Variants in MYO5B observed in about 807,000 individuals in gnomAD.
MYO5B encodes the protein unconventional myosin-Vb.
A neutral mutation model predicts 229.3 loss-of-function variants in MYO5B; 143 were observed. That is an observed-to-expected ratio of 0.62 (90% CI 0.54 to 0.72). MYO5B has a LOEUF of 0.72. MYO5B is among the 30% of genes least tolerant of loss of function. The pLI is 0.00. For synonymous variants in MYO5B, 918 were observed against 885.2 expected, an observed-to-expected ratio of 1.04 and a Z score of -0.66; for missense variants, 2,321 against 2,331.0, an observed-to-expected ratio of 1.00 and a Z score of 0.09.
chr18:50,123,770 G>A (rs1380641758), intron 1 of MYO5B, among the ~76,000 whole-genome samples: 1 of 152,120 alleles, frequency 6.6e-6, no homozygotes, highest in Non-Finnish European at 1.5e-5. Flanking sequence ...AAGATATAGA[G>A]GTGTCACTCT....
At chr18:49,914,699 G>GA (rs993124770) in intron 17 of MYO5B, among the ~76,000 whole-genome samples, 2 of 148,278 alleles carry the variant, frequency 1.3e-5, no homozygotes, top group Non-Finnish European at 3.0e-5. Context: ...AGAATCACTT[G>GA]AAACCAGGAG....
chr18:49,989,208 T>C (rs930604285), intron 7 of MYO5B, among the ~76,000 whole-genome samples: 35 of 152,254 alleles, frequency 2.3e-4, no homozygotes, highest in African/African-American at 8.4e-4. Flanking sequence ...GTACAAGCAT[T>C]GAAGATACAG....
intron 1 of MYO5B, among the ~76,000 whole-genome samples, chr18:50,192,428 G>T (rs1438385200): frequency 6.6e-6 from 1 of 152,176 alleles, no homozygotes; most frequent in Admixed American, 6.5e-5. Context: ...CAGCAAAGAT[G>T]GACTGGTTCA....
chr18:49,989,681 C>G (rs2025908494), intron 7 of MYO5B, among the ~76,000 whole-genome samples: 1 of 152,200 alleles, frequency 6.6e-6, no homozygotes, highest in African/African-American at 2.4e-5. Flanking sequence ...CTGCTCACTA[C>G]TCCACTGGCT....
chr18:49,902,483 T>C, intron 21 of MYO5B, 111 bp downstream of exon 21: 1 of 1,474,440 alleles, frequency 6.8e-7, no homozygotes, highest in South Asian at 1.1e-5. Flanking sequence ...AGGACGTCTG[T>C]GCTCCCTCGG....
chr18:50,088,366 A>G (rs987415241), intron 1 of MYO5B, among the ~76,000 whole-genome samples: 3 of 152,216 alleles, frequency 2.0e-5, no homozygotes, highest in Non-Finnish European at 4.4e-5. Flanking sequence ...CCTACCACAC[A>G]CAGGAAAAAT....
At chr18:49,869,238 C>T (rs550719119) in intron 27 of MYO5B, among the ~76,000 whole-genome samples, 45 of 152,236 alleles carry the variant, frequency 3.0e-4, no homozygotes, top group African/African-American at 8.2e-4. Flanking sequence ...ATAAGCTGAC[C>T]GTGTTCTGCC....
rs758821508 is a variant in MYO5B at position 49,906,624 on chromosome 18, C to A, written c.2209G>T (p.Asp737Tyr). Residue 737 changes from aspartate (D) to tyrosine (Y), a missense_variant, in exon 19 of 40, where the codon GAC becomes TAC. Physicochemically the swap from Asp to Tyr is radical, Grantham distance 160. Coordinates refer to ENST00000285039, the MANE Select transcript of MYO5B (RefSeq NM_001080467.3). ...TTGGTGCGGCCAAACTGGAACTTGTCGGGGTCCTTTACAAGGTAGGGAGGG... is the reference window on the plus strand; with the variant it reads ...TTGGTGCGGCCAAACTGGAACTTGTAGGGGTCCTTTACAAGGTAGGGAGGG... ...SVLENLIKDP[D>Y]KFQFGRTKIF... 6.2e-7 allele frequency: 1 copy of A among 1,613,756 alleles called. No homozygotes were observed. Among genetic ancestry groups the A allele is most frequent in the East Asian group, 2.2e-5 (1 of 44,866 alleles).
chr18:50,089,250 T>C (rs532355498), intron 1 of MYO5B, among the ~76,000 whole-genome samples: 1 of 152,204 alleles, frequency 6.6e-6, no homozygotes, highest in African/African-American at 2.4e-5. Context: ...TGGTGGCACA[T>C]GCCTGTAGTC....
intron 1 of MYO5B, among the ~76,000 whole-genome samples, chr18:50,115,567 C>G (rs1332517210): frequency 8.6e-5 from 13 of 151,850 alleles, no homozygotes; most frequent in Non-Finnish European, 2.9e-5. Context: ...CACACACACA[C>G]ACACACACAC....
intron 4 of MYO5B, among the ~76,000 whole-genome samples, chr18:50,011,690 G>A (rs1313014121): frequency 4.0e-5 from 6 of 151,646 alleles, no homozygotes; most frequent in Middle Eastern, 3.2e-3. Context: ...TCCACCCCAC[G>A]AAGCCCTGTT....
chr18:50,113,458 C>A (rs1342505388), intron 1 of MYO5B, among the ~76,000 whole-genome samples: 1 of 152,154 alleles, frequency 6.6e-6, no homozygotes, highest in East Asian at 1.9e-4. Flanking sequence ...GACAACTGAA[C>A]GTTAGAGAAA....
At chr18:50,108,512 A>G (rs7230413) in intron 1 of MYO5B, among the ~76,000 whole-genome samples, 30,818 of 152,100 alleles carry the variant, frequency 0.2, 3,383 homozygotes, top group African/African-American at 0.29. Context: ...GAGTCCACAC[A>G]ATTTCAACAT....
At chr18:49,929,187 T>C (rs2025161857) in intron 17 of MYO5B, among the ~76,000 whole-genome samples, 1 of 152,054 alleles carries the variant, frequency 6.6e-6, no homozygotes, top group Non-Finnish European at 1.5e-5. Flanking sequence ...GGGGGAATGG[T>C]AAAGGGGACA....
intron 2 of MYO5B, among the ~76,000 whole-genome samples, chr18:50,050,073 A>G (rs1169084060): frequency 2.6e-5 from 4 of 152,222 alleles, no homozygotes. Context: ...ATTATACTTT[A>G]TGCTGAAACA....
intron 1 of MYO5B, among the ~76,000 whole-genome samples, chr18:50,130,623 C>A (rs1279199131): frequency 2.6e-5 from 4 of 152,180 alleles, no homozygotes; most frequent in Non-Finnish European, 5.9e-5. Flanking sequence ...ATTAAAAGCA[C>A]CCTCCGTGGA....
chr18:50,181,854 C>T (rs757458800), intron 1 of MYO5B, among the ~76,000 whole-genome samples: 1 of 152,222 alleles, frequency 6.6e-6, no homozygotes, highest in African/African-American at 2.4e-5. Context: ...GCTGAGGAGA[C>T]ATTCATTTTC....
intron 1 of MYO5B, among the ~76,000 whole-genome samples, chr18:50,057,485 A>T (rs1195537768): frequency 1.6e-5 from 2 of 126,006 alleles, no homozygotes; most frequent in Middle Eastern, 4.6e-3. Context: ...CCTGGAAGCC[A>T]GGGAGCCTAG....
At position 49,974,462 on chromosome 18, in the gene MYO5B, G is replaced by C. The variant is rs770226793; in HGVS notation, c.1210C>G (p.Leu404Val). 2 of 1,614,172 alleles carry C rather than the reference G, an allele frequency of 1.2e-6. No homozygotes were observed. The change falls in exon 10 of 40, where the codon CTG becomes GTG. Residue 404 changes from leucine to valine, a missense_variant. Leu to Val is a conservative substitution (Grantham distance 32, BLOSUM62 1). Coordinates refer to ENST00000285039, the MANE Select transcript of MYO5B (RefSeq NM_001080467.3). The part of the protein sequence containing the change: ...LQQVINARNA[L>V]AKHIYAQLFG... ...AACTGGGCATAGATGTGCTTCGCCA[G>C]GGCGTTGCGCGCATTGATCACCTGC...
Sources: allele counts gnomAD v4.1 joint callset (sites outside exome capture counted in the v4.1 genomes callset), GRCh38; gene constraint gnomAD v4.1.1; transcripts MANE v1.5; gene names NCBI Gene and HGNC (gene_info 2026-07-23, HGNC 2026-07-21).